The following GTF2B variants were observed in gnomAD, a reference collection of about 807,000 sequenced individuals.
GTF2B encodes general transcription factor IIB.
GTF2B carries 20 observed loss-of-function variants against 34.6 expected under a neutral mutation model. That is an observed-to-expected ratio of 0.58 (90% CI 0.41 to 0.84). GTF2B has a LOEUF of 0.84. Ranked by LOEUF, GTF2B falls within the 40% of genes least tolerant of loss-of-function variation. The pLI is 0.00. For missense variants in GTF2B, 237 were observed against 393.3 expected, an observed-to-expected ratio of 0.60 and a Z score of 3.36; for synonymous variants, 142 against 132.4, an observed-to-expected ratio of 1.07 and a Z score of -0.50.
At chr1:88,866,126 C>A (rs1208583545) in intron 2 of GTF2B, among the ~76,000 whole-genome samples, 1 of 152,112 alleles carries the variant, frequency 6.6e-6, no homozygotes, top group Non-Finnish European at 1.5e-5. Flanking sequence ...CTTTGGGAGG[C>A]TTAAGCAGGA....
intron 3 of GTF2B, among the ~76,000 whole-genome samples, chr1:88,862,717 C>T (rs1200514170): frequency 6.6e-6 from 1 of 152,140 alleles, no homozygotes; most frequent in Non-Finnish European, 1.5e-5. Context: ...CAGCTCACTG[C>T]AACCTCCGCC....
Position 88,865,057 on chromosome 1 carries a change from T to C in GTF2B, c.125-943A>G, listed in dbSNP as rs928632574. On this transcript the variant is annotated intron_variant, in intron 2 of 6. Transcript: ENST00000370500. ...AAGGAACCAGACCATTTCATCTTTG[T>C]GTATACACAGCAAACAGAAAGAAAC... 4.6e-5 allele frequency among the ~76,000 whole-genome samples: 7 copies of C among 152,332 alleles called. No individual in the cohort carries two copies. In the East Asian group the frequency reaches 1.4e-3, roughly 29 times the overall value.
chr1:88,869,584 T>C (rs1392403203), intron 2 of GTF2B, among the ~76,000 whole-genome samples: 1 of 152,140 alleles, frequency 6.6e-6, no homozygotes, highest in Non-Finnish European at 1.5e-5. Context: ...ATCAGTTCAG[T>C]GGCTATTGCT....
intron 2 of GTF2B, among the ~76,000 whole-genome samples, chr1:88,876,558 C>T (rs551288633): frequency 7.2e-5 from 11 of 151,960 alleles, no homozygotes; most frequent in South Asian, 2.1e-4. Flanking sequence ...GGTTTGAGCC[C>T]GTGGCGACAG....
chr1:88,860,239 C>T lies in GTF2B; in HGVS notation c.306G>A (p.Gln102=), dbSNP rs767501107. The T allele has an allele frequency of 2.3e-5, 37 of 1,613,870 alleles. No homozygotes were observed. Among genetic ancestry groups the T allele is most frequent in the Non-Finnish European group, 3.1e-5 (37 of 1,179,880 alleles). Residue 102 remains glutamine (Q), a synonymous_variant, in exon 4 of 7, where the codon CAG becomes CAA. Transcript: ENST00000370500. The part of the protein sequence containing the change: ...SFDEFGNSKY[Q]NRRTMSSSDR... ...CAGAACTGCTCATTGTTCTCCGATT[C>T]TGGTACTTAGAATTGCCAAATTCGT...
At chr1:88,858,848 G>GA (rs1261658533) in intron 5 of GTF2B, 4 of 148,506 alleles carry the variant, frequency 2.7e-5, no homozygotes, top group Admixed American at 2.0e-4. Flanking sequence ...CACCTCAAGA[G>GA]AAAAAACTTA....
chr1:88,891,201 T>C (rs1462108964), intron 1 of GTF2B, among the ~76,000 whole-genome samples: 1 of 146,514 alleles, frequency 6.8e-6, no homozygotes, highest in Non-Finnish European at 1.5e-5. Context: ...TGGGAAAAGA[T>C]ACGAGGGCAA....
chr1:88,876,622 G>T (rs906019088), intron 2 of GTF2B, among the ~76,000 whole-genome samples: 1 of 152,026 alleles, frequency 6.6e-6, no homozygotes, highest in South Asian at 2.1e-4. Context: ...TCAAGGTTGC[G>T]GTGAGCCATA....
chr1:88,891,544 C>T lies in GTF2B; in HGVS notation c.-45G>A, dbSNP rs1272032326. 6.4e-7 allele frequency: 1 copy of T among 1,574,124 alleles called. No homozygotes were observed. The highest frequency in any genetic ancestry group is 1.1e-5 in the South Asian group (1 of 87,230). On this transcript the variant is annotated 5_prime_UTR_variant, in exon 1 of 7. In the 5' UTR this introduces an upstream ATG that the reference lacks. Transcript: ENST00000370500. ...CCCGCAACAAGACACAACAGACACA[C>T]CGAAAGCAGGAAGCGAATGTGGCGA...
intron 2 of GTF2B, among the ~76,000 whole-genome samples, chr1:88,873,245 A>G (rs1007417242): frequency 2.9e-5 from 4 of 138,692 alleles, no homozygotes; most frequent in African/African-American, 5.5e-5. Context: ...GCTGGAGGGC[A>G]GTGGCACTAT....
chr1:88,882,085 G>T (rs534667149), intron 2 of GTF2B, among the ~76,000 whole-genome samples: 1 of 152,020 alleles, frequency 6.6e-6, no homozygotes, highest in African/African-American at 2.4e-5. Context: ...CGAGGCAGGT[G>T]GAACACTTGA....
At chr1:88,889,074 T>C (rs1042343675) in intron 1 of GTF2B, among the ~76,000 whole-genome samples, 2 of 152,132 alleles carry the variant, frequency 1.3e-5, no homozygotes, top group Non-Finnish European at 2.9e-5. Flanking sequence ...ATTAGGTCAC[T>C]TTCGTGGGGG....
chr1:88,879,391 C>G lies in GTF2B; in HGVS notation c.124+7870G>C, dbSNP rs1207499869. Among the ~76,000 whole-genome samples the G allele has an allele frequency of 2.6e-5, 4 of 151,612 alleles. No individual in the cohort carries two copies. In the East Asian group the frequency reaches 7.8e-4, roughly 29 times the overall value. On this transcript the variant is annotated intron_variant, in intron 2 of 6. Coordinates refer to ENST00000370500, the MANE Select transcript of GTF2B (RefSeq NM_001514.6). Reference sequence around the variant, plus strand: ...GTTAGGAGTTCGATACCAGCCCAGCCGACATGGTGAAACCCCGTCTCTACT... The same window carrying G: ...GTTAGGAGTTCGATACCAGCCCAGCGGACATGGTGAAACCCCGTCTCTACT...
intron 2 of GTF2B, among the ~76,000 whole-genome samples, chr1:88,886,736 CCCA>C (rs1674076929): frequency 6.6e-6 from 1 of 152,060 alleles, no homozygotes; most frequent in Non-Finnish European, 1.5e-5. Flanking sequence ...TAGCTCCCAC[CCCA>C]CATTATAAAA....
chr1:88,881,236 A>G (rs1431124217), intron 2 of GTF2B, among the ~76,000 whole-genome samples: 3 of 151,976 alleles, frequency 2.0e-5, no homozygotes, highest in Non-Finnish European at 4.4e-5. Context: ...TACTCAGTAC[A>G]ATACCACTGT....
chr1:88,882,112 C>T (rs142429691), intron 2 of GTF2B, among the ~76,000 whole-genome samples: 2 of 152,088 alleles, frequency 1.3e-5, no homozygotes, highest in Non-Finnish European at 2.9e-5. Flanking sequence ...GAGTTTAAAA[C>T]TAGCCTGGAC....
rs752818804 is a variant in GTF2B, at chr1:88,863,993, G to C, written c.246C>G (p.Thr82=). 8.1e-6 allele frequency: 13 copies of C among 1,613,490 alleles called. No homozygotes were observed. The highest frequency in any genetic ancestry group is 1.1e-5 in the Non-Finnish European group (13 of 1,179,580). Residue 82 remains threonine, a synonymous_variant, in exon 3 of 7, where the codon ACC becomes ACG. Transcript: ENST00000370500. ...NPLLSDGDLS[T]MIGKGTGAAS... is the part of the protein sequence containing the mutation. ...ATGGACTTATTACCTTGCCAATCATGGTAGACAAATCTCCATCACTCAGAA... is the reference window on the plus strand; with the variant it reads ...ATGGACTTATTACCTTGCCAATCATCGTAGACAAATCTCCATCACTCAGAA...
chr1:88,857,148 A>C, intron 6 of GTF2B, 58 bp downstream of exon 6: 1 of 1,480,072 alleles, frequency 6.8e-7, no homozygotes, highest in Non-Finnish European at 9.2e-7. Context: ...AAAATGGAAA[A>C]ACAATCACAT....
intron 2 of GTF2B, among the ~76,000 whole-genome samples, chr1:88,882,310 CAAAAAAAAAAAAAAA>C (rs59699371): frequency 2.8e-5 from 1 of 36,016 alleles, no homozygotes; most frequent in Non-Finnish European, 5.7e-5. Context: ...ACTCTCACTC[CAAAAAAAAAAAAAAA>C]AAAAAAAAAA....
Sources: allele counts gnomAD v4.1 joint callset (sites outside exome capture counted in the v4.1 genomes callset), GRCh38; gene constraint gnomAD v4.1.1; transcripts MANE v1.5; gene names NCBI Gene and HGNC (gene_info 2026-07-23, HGNC 2026-07-21).